The following TTC3 variants were observed in gnomAD, a reference collection of about 807,000 sequenced individuals.
TTC3 encodes the protein tetratricopeptide repeat domain 3.
In TTC3, 180 loss-of-function variants were observed where a neutral mutation model predicts 249.6. The observed-to-expected ratio is 0.72, with a 90% CI of 0.64 to 0.82. The LOEUF (loss-of-function observed/expected upper bound fraction) is 0.82. Ranked by LOEUF, TTC3 falls within the 40% of genes least tolerant of loss-of-function variation. The probability of loss-of-function intolerance (pLI) is 0.00; values close to 1 mark genes in which losing one functional copy is unlikely to be tolerated. For synonymous variants in TTC3, 717 were observed against 805.0 expected, an observed-to-expected ratio of 0.89 and a Z score of 1.85; for missense variants, 2,061 against 2,398.4, an observed-to-expected ratio of 0.86 and a Z score of 2.94.
chr21:37,181,113 G>A (rs1210726498), intron 35 of TTC3, among the ~76,000 whole-genome samples: 4 of 152,180 alleles, frequency 2.6e-5, no homozygotes. Flanking sequence ...GACCTGTTTA[G>A]CATTGTGAGG....
intron 28 of TTC3, 183 bp downstream of exon 28, chr21:37,157,089 C>G (rs778601080): frequency 4.8e-5 from 65 of 1,367,888 alleles, no homozygotes; most frequent in Non-Finnish European, 6.3e-5. Context: ...AGCTTTTTTA[C>G]TTTATCAGTT....
intron 11 of TTC3, among the ~76,000 whole-genome samples, chr21:37,109,322 G>C (rs943415314): frequency 6.6e-6 from 1 of 152,184 alleles, no homozygotes; most frequent in Non-Finnish European, 1.5e-5. Context: ...TCAAAGAAAG[G>C]GGTGACAGAT....
In TTC3 at chr21:37,152,917, A is replaced by G. The variant is rs763406542; in HGVS notation, c.2414-34A>G. The G allele has an allele frequency of 1.4e-5, 21 of 1,492,386 alleles. No individual in the cohort carries two copies. The Admixed American group carries it at 2.5e-4, about 18-fold the overall frequency. The allele number at this position is 1,492,386 out of a possible 1,614,324, so 92.4% of individuals were successfully genotyped here. ...GTTTATGTAATTGTGAATTAGTCCTATTTATCACTTTAACCATTGTTATTT... is the reference window on the plus strand; with the variant it reads ...GTTTATGTAATTGTGAATTAGTCCTGTTTATCACTTTAACCATTGTTATTT... On this transcript the variant is annotated intron_variant, in intron 26 of 45. Coordinates refer to ENST00000355666, the Ensembl canonical transcript of TTC3.
intron 16 of TTC3, among the ~76,000 whole-genome samples, chr21:37,130,568 C>T (rs2000417): frequency 0.53 from 80,892 of 151,928 alleles, 22,161 homozygotes; most frequent in African/African-American, 0.64. Context: ...ATTACTGTTA[C>T]CACCATCATT....
rs1245737052 is a variant in TTC3 at position 37,121,798 on chromosome 21, A to G, written c.901-19A>G. On this transcript the variant is annotated intron_variant, in intron 11 of 45. Coordinates refer to ENST00000355666, the Ensembl canonical transcript of TTC3. ...AAGCATATTTTTGAGAAAAAATTAA[A>G]TTTATCTTTTTGGAACAGGGTCATT... 1.6e-5 allele frequency: 24 copies of G among 1,532,142 alleles called. No homozygotes were observed. The highest frequency in any genetic ancestry group is 2.1e-5 in the Non-Finnish European group (24 of 1,144,518). The allele number at this position is 1,532,142 out of a possible 1,614,324, so 94.9% of individuals were successfully genotyped here. A position where few individuals can be genotyped will look rare whatever the true frequency, so the allele number is the denominator to read the frequency against.
rs35693053 is a variant in TTC3 at position 37,196,237 on chromosome 21, C to CTTTTTTT, written c.5579+212_5579+218dup. ...AAATAAATTGGTGGGTTTTTTCTTT[C>CTTTTTTT]TTTTTTTTTTTTTTTTTGAGACAGA... On this transcript the variant is annotated intron_variant, in intron 42 of 45. Transcript: ENST00000355666. Among the ~76,000 whole-genome samples, 16 of 120,348 alleles carry CTTTTTTT rather than the reference C, an allele frequency of 1.3e-4. No homozygotes were observed. The East Asian group carries it at 1.5e-3, about 11-fold the overall frequency. The allele number at this position is 120,348 out of a possible 152,430, so 79.0% of individuals were successfully genotyped here. A position where few individuals can be genotyped will look rare whatever the true frequency, so the allele number is the denominator to read the frequency against.
At chr21:37,084,521 G>A (rs2072142494) in intron 1 of TTC3, among the ~76,000 whole-genome samples, 1 of 152,268 alleles carries the variant, frequency 6.6e-6, no homozygotes, top group Admixed American at 6.5e-5. Flanking sequence ...GATTGATCAG[G>A]TAGGTAGTAT....
chr21:37,166,313 G>A, exon 33 of TTC3: 3 of 1,614,218 alleles, frequency 1.9e-6, no homozygotes, highest in Non-Finnish European at 2.5e-6. Flanking sequence ...ATCAGTACCA[G>A]TGGTGCCGTC....
At chr21:37,196,863 G>A (rs1476205301) in intron 42 of TTC3, among the ~76,000 whole-genome samples, 1 of 152,182 alleles carries the variant, frequency 6.6e-6, no homozygotes, top group African/African-American at 2.4e-5. Flanking sequence ...GTGAATGTGG[G>A]AAAAAGCTGC....
intron 12 of TTC3, among the ~76,000 whole-genome samples, chr21:37,122,600 C>G (rs1199472126): frequency 6.6e-6 from 1 of 151,664 alleles, no homozygotes; most frequent in Admixed American, 6.6e-5. Context: ...TGAGTCTTTC[C>G]TGCTTTTTCT....
intron 6 of TTC3, 143 bp downstream of exon 6, chr21:37,090,429 G>T: frequency 3.1e-6 from 3 of 975,500 alleles, no homozygotes; most frequent in East Asian, 3.1e-5. Flanking sequence ...TTTTCCTTAA[G>T]GAGACTCCTC....
At chr21:37,129,123 G>GA (rs2077269911) in intron 16 of TTC3, 60 bp downstream of exon 16, 35 of 1,309,158 alleles carry the variant, frequency 2.7e-5, no homozygotes, top group Middle Eastern at 1.9e-4. Context: ...CAAGAAAAAG[G>GA]AAAAAAAATT....
chr21:37,122,950 A>G, intron 12 of TTC3, 33 bp from the exon 13 acceptor site: 1 of 1,581,082 alleles, frequency 6.3e-7, no homozygotes, highest in Non-Finnish European at 8.6e-7. Flanking sequence ...TCCATTGATT[A>G]CTATGTGTGT....
chr21:37,098,174 G>A (rs1439184175), intron 10 of TTC3: 6 of 377,276 alleles, frequency 1.6e-5, no homozygotes, highest in Non-Finnish European at 2.4e-5. Context: ...ATTGCTACTG[G>A]CTAGGTCCAG....
intron 16 of TTC3, among the ~76,000 whole-genome samples, chr21:37,131,365 A>G (rs1166079918): frequency 6.6e-6 from 1 of 152,228 alleles, no homozygotes; most frequent in Non-Finnish European, 1.5e-5. Context: ...ACATACCTAC[A>G]TAATGAAACC....
intron 1 of TTC3, chr21:37,081,952 C>T (rs113508475): frequency 0.042 from 6,382 of 151,796 alleles, 180 homozygotes; most frequent in Admixed American, 0.084. Flanking sequence ...GCAAGCTCCG[C>T]CTCCCGGGTT....
chr21:37,110,223 G>A (rs910868209), intron 11 of TTC3, among the ~76,000 whole-genome samples: 5 of 152,348 alleles, frequency 3.3e-5, no homozygotes, highest in African/African-American at 1.2e-4. Flanking sequence ...ACTTTGACGA[G>A]TTGAGAGAGG....
intron 15 of TTC3, among the ~76,000 whole-genome samples, chr21:37,128,525 C>T (rs969786947): frequency 1.3e-5 from 2 of 152,320 alleles, no homozygotes; most frequent in South Asian, 2.1e-4. Context: ...TCCTCAAAAC[C>T]GAACACAAAT....
At chr21:37,182,049 A>G (rs1349449744) in intron 35 of TTC3, among the ~76,000 whole-genome samples, 2 of 152,204 alleles carry the variant, frequency 1.3e-5, no homozygotes, top group African/African-American at 4.8e-5. Context: ...TATTGCTTTG[A>G]TTCACGTTTA....
Sources: gnomAD v4.1 joint callset for allele counts (sites outside exome capture counted in the v4.1 genomes callset) on GRCh38, gnomAD v4.1.1 for gene constraint, MANE v1.5 for transcripts, NCBI Gene and HGNC (gene_info 2026-07-23, HGNC 2026-07-21) for gene names.